Variants in ENTR1 observed in about 807,000 individuals in gnomAD.
ENTR1 encodes endosome associated trafficking regulator 1.
ENTR1 carries 47 observed loss-of-function variants against 47.9 expected under a neutral mutation model. The observed-to-expected ratio is 0.98, with a 90% confidence interval of 0.78 to 1.25. The LOEUF (loss-of-function observed/expected upper bound fraction) is 1.25, where lower values mean the gene tolerates loss of function less well. ENTR1 is among the 50% of genes most tolerant of loss of function. The pLI is 0.00. For missense variants in ENTR1, 668 were observed against 570.5 expected (o/e 1.17, Z -1.74); for synonymous variants, 290 against 245.8 (o/e 1.18, Z -1.68).
intron 6 of ENTR1, 42 bp downstream of exon 6, chr9:136,405,849 GATTTCCCTGTGTAT>G (rs1029290556): frequency 4.9e-5 from 53 of 1,090,694 alleles, no homozygotes; most frequent in Non-Finnish European, 6.4e-5. Flanking sequence ...TTTAAAAACG[GATTTCCCTGTGTAT>G]TAGATGTTGT....
chr9:136,408,676 T>C (rs893544702), intron 3 of ENTR1, among the ~76,000 whole-genome samples: 3 of 152,070 alleles, frequency 2.0e-5, no homozygotes, highest in Non-Finnish European at 4.4e-5. Context: ...GTAGCCTAAA[T>C]AACGCCCACT....
At chr9:136,407,689 TTC>T in intron 4 of ENTR1, 128 bp from the exon 5 acceptor site, 1 of 1,417,448 alleles carries the variant, frequency 7.1e-7, no homozygotes, top group Non-Finnish European at 9.5e-7. Flanking sequence ...GCCCAGCAGC[TTC>T]TGAGCCCAGA....
chr9:136,410,364 G>C lies in ENTR1; in HGVS notation c.34C>G (p.Pro12Ala). The C allele has an allele frequency of 1.4e-6, 2 of 1,480,266 alleles. No individual in the cohort carries two copies. The highest frequency in any genetic ancestry group is 1.8e-6 in the Non-Finnish European group (2 of 1,121,524). The allele number at this position is 1,480,266 out of a possible 1,614,324, so 91.7% of individuals were successfully genotyped here. ...GCGAGGCTCCGGGCTCGGGACAGCG[G>C]GGTGGCGCCCGGGCGGCGCTGGTAG... is the stretch of plus-strand genomic sequence containing the variant. Reference protein sequence around the residue: ...SGYQRRPGATPLSRARSLAIP... With the variant: ...SGYQRRPGATALSRARSLAIP... Residue 12 changes from proline to alanine, a missense_variant, in exon 1 of 10, where the codon CCG (proline) becomes GCG (alanine). By Grantham distance (27) the Pro-to-Ala change is conservative. Transcript: ENST00000357365.
chr9:136,410,349 G>A lies in ENTR1; in HGVS notation c.49C>T (p.Arg17Trp). Reference sequence around the variant, plus strand: ...TCACCGTCGGGAATGGCGAGGCTCCGGGCTCGGGACAGCGGGGTGGCGCCC... The same window carrying A: ...TCACCGTCGGGAATGGCGAGGCTCCAGGCTCGGGACAGCGGGGTGGCGCCC... ...RPGATPLSRA[R>W]SLAIPDAPAF... The change falls in exon 1 of 10, where the codon CGG becomes TGG. Residue 17 changes from arginine to tryptophan, a missense_variant. Transcript: ENST00000357365. The A allele has an allele frequency of 1.9e-6, 3 of 1,541,974 alleles. No individual in the cohort carries two copies. The highest frequency in any genetic ancestry group is 4.9e-5 in the East Asian group (2 of 40,512).
intron 2 of ENTR1, among the ~76,000 whole-genome samples, chr9:136,409,387 T>C (rs967008948): frequency 6.6e-5 from 10 of 152,202 alleles, no homozygotes; most frequent in African/African-American, 2.2e-4. Context: ...TTCACCCTGT[T>C]AGCCAGGATG....
chr9:136,404,321 G>C, intron 8 of ENTR1, 127 bp from the exon 9 acceptor site: 2 of 1,302,354 alleles, frequency 1.5e-6, no homozygotes, highest in African/African-American at 1.5e-5. Context: ...GGCCTAACTG[G>C]GGGCTCGCCT....
chr9:136,406,083 G>C (rs1834751368), intron 5 of ENTR1, 105 bp from the exon 6 acceptor site: 6 of 732,566 alleles, frequency 8.2e-6, no homozygotes, highest in Non-Finnish European at 1.3e-5. Context: ...AGAGATGCTG[G>C]GTCAGTGCAG....
Position 136,405,889 on chromosome 9 carries a change from C to T in ENTR1, c.893+16G>A, listed in dbSNP as rs769719208. 5.8e-6 allele frequency: 9 copies of T among 1,540,716 alleles called. No homozygotes were observed. The highest frequency in any genetic ancestry group is 1.9e-5 in the Admixed American group (1 of 51,656). ...TAGATGTTGTGGATTGCATTCCTAA[C>T]TAAAAGCTTACATACATTTCTGTTT... On this transcript the variant is annotated intron_variant, in intron 6 of 9. Transcript: ENST00000357365.
At chr9:136,405,356 C>G (rs1834716035) in intron 6 of ENTR1, 154 bp from the exon 7 acceptor site, 1 of 612,222 alleles carries the variant, frequency 1.6e-6, no homozygotes, top group South Asian at 1.9e-5. Context: ...CAGGCCTGGA[C>G]CTGTAGCCAC....
At chr9:136,410,069 G>A (rs998725124) in intron 2 of ENTR1, 21 bp downstream of exon 2, 1 of 1,612,500 alleles carries the variant, frequency 6.2e-7, no homozygotes, top group Non-Finnish European at 8.5e-7. Flanking sequence ...CGTCCCCGGG[G>A]CCGGCGCCCT....
At chr9:136,408,104 A>G in intron 3 of ENTR1, 166 bp from the exon 4 acceptor site, 1 of 590,274 alleles carries the variant, frequency 1.7e-6, no homozygotes, top group Non-Finnish European at 3.1e-6. Context: ...AGGTGGCTGA[A>G]GGTGGGCAGT....
At chr9:136,408,361 G>C (rs1284095579) in intron 3 of ENTR1, among the ~76,000 whole-genome samples, 1 of 152,020 alleles carries the variant, frequency 6.6e-6, no homozygotes, top group African/African-American at 2.4e-5. Context: ...GGCGGATCAC[G>C]AGGTCAGGAG....
rs192412149 is a variant in ENTR1, at chr9:136,404,676, T to C, written c.1023A>G (p.Ala341=). Reference sequence around the variant, plus strand: ...GTTTTAGTTTCACGACGTGGTTTTCTGCCTTTACAGCCCGTTTCTGTTACC... The same window carrying C: ...GTTTTAGTTTCACGACGTGGTTTTCCGCCTTTACAGCCCGTTTCTGTTACC... The part of the protein sequence containing the change: ...LELMTKRAVK[A]ENHVVKLKQE... Residue 341 remains alanine, a synonymous_variant, in exon 8 of 10, where the codon GCA becomes GCG. Coordinates refer to ENST00000357365, the MANE Select transcript of ENTR1 (RefSeq NM_001039707.2). 92 of 1,614,142 alleles carry C rather than the reference T, an allele frequency of 5.7e-5. No homozygotes were observed. Among genetic ancestry groups the C allele is most frequent in the Non-Finnish European group, 7.2e-5 (85 of 1,180,022 alleles).
chr9:136,403,357 G>GA (rs1474389330), intron 9 of ENTR1, among the ~76,000 whole-genome samples: 1 of 109,734 alleles, frequency 9.1e-6, no homozygotes, highest in East Asian at 2.3e-4. Context: ...GGGAGCAAGG[G>GA]GTGGGGTTTG....
At position 136,408,944 on chromosome 9, in the gene ENTR1, T is replaced by C; in HGVS notation, c.289+55A>G. On this transcript the variant is annotated intron_variant, in intron 3 of 9. Coordinates refer to ENST00000357365, the MANE Select transcript of ENTR1 (RefSeq NM_001039707.2). ...CACATTGACAGTCCCACCAGACACG[T>C]GCCTGGCACTGTGTTGGATGGAGAC... 2.1e-6 allele frequency: 3 copies of C among 1,426,250 alleles called. No individual in the cohort carries two copies. The South Asian group carries it at 3.4e-5, about 16-fold the overall frequency. 88.3% of individuals were successfully genotyped at this position (1,426,250 alleles called of 1,614,324 possible). A position where few individuals can be genotyped will look rare whatever the true frequency, so the allele number is the denominator to read the frequency against.
At chr9:136,403,338 A>AGAAG (rs1834589233) in intron 9 of ENTR1, among the ~76,000 whole-genome samples, 1 of 71,992 alleles carries the variant, frequency 1.4e-5, no homozygotes, top group African/African-American at 5.9e-5. Flanking sequence ...AGAAAGGGAC[A>AGAAG]GGGTTCCAGG....
rs763112506 is a variant in ENTR1 at position 136,409,028 on chromosome 9, G to A, written c.260C>T (p.Pro87Leu). Residue 87 changes from proline (P) to leucine (L), a missense_variant, in exon 3 of 10, where the codon CCG becomes CTG. Transcript: ENST00000357365. ...YGKGKCSKQS[P>L]SGAHGTHFGD... ...AAAATGTGTCCCGTGGGCTCCTGAC[G>A]GGCTCTGCTTAGAACATTTCCCCTT... The A allele has an allele frequency of 1.9e-5, 31 of 1,613,826 alleles. No individual in the cohort carries two copies. In the African/African-American group the frequency reaches 2.4e-4, roughly 13 times the overall value.
Position 136,407,447 on chromosome 9 carries a change from G to T in ENTR1, c.517C>A (p.Leu173Ile). The T allele has an allele frequency of 6.2e-7, 1 of 1,611,008 alleles. No individual in the cohort carries two copies. The highest frequency in any genetic ancestry group is 1.1e-5 in the South Asian group (1 of 90,790). The change falls in exon 5 of 10, where the codon CTC becomes ATC. Residue 173 changes from leucine to isoleucine, a missense_variant. Leu to Ile is a conservative substitution (Grantham distance 5). Transcript: ENST00000357365. ...FFEDPTGAGD[L>I]LDEEEDEDTG... ...TCCTCATCCTCCTCCTCATCCAGGA[G>T]GTCACCAGCCCCTGTCGGATCCTCG...
chr9:136,402,667 G>A lies in ENTR1; in HGVS notation c.*121C>T. ...GCTGAGGGCACGACACTGGACTCTT[G>A]CGATCAACACTTTACTCTGGGTGAA... On this transcript the variant is annotated 3_prime_UTR_variant, in exon 10 of 10. Coordinates refer to ENST00000357365, the MANE Select transcript of ENTR1 (RefSeq NM_001039707.2). The A allele has an allele frequency of 1.5e-6, 1 of 686,152 alleles. No homozygotes were observed. Among genetic ancestry groups the A allele is most frequent in the Non-Finnish European group, 2.5e-6 (1 of 398,092 alleles). The allele number at this position is 686,152 out of a possible 1,614,324, so 42.5% of individuals were successfully genotyped here.
Sources: gnomAD v4.1 joint callset for allele counts (sites outside exome capture counted in the v4.1 genomes callset) on GRCh38, gnomAD v4.1.1 for gene constraint, MANE v1.5 for transcripts, NCBI Gene and HGNC (gene_info 2026-07-23, HGNC 2026-07-21) for gene names.